ACSM1: variants seen among roughly 807,000 people sequenced by gnomAD.
The protein encoded by ACSM1 is acyl-coenzyme A synthetase ACSM1, mitochondrial.
In ACSM1, 79 loss-of-function variants were observed where a neutral mutation model predicts 75.8. The ratio of observed to expected loss-of-function variants is 1.04; its 90% CI spans 0.87 to 1.26. The LOEUF (loss-of-function observed/expected upper bound fraction) is 1.26, where lower values mean the gene tolerates loss of function less well. Ranked by LOEUF, ACSM1 falls within the 50% of genes most tolerant of loss-of-function variation. The probability of loss-of-function intolerance (pLI) is 0.00; values close to 1 mark genes in which losing one functional copy is unlikely to be tolerated. For synonymous variants in ACSM1, 279 were observed against 265.8 expected (o/e 1.05, Z -0.48); for missense variants, 676 against 720.1 (o/e 0.94, Z 0.70).
chr16:20,688,683 A>G (rs1324856694), intron 2 of ACSM1, among the ~76,000 whole-genome samples: 1 of 152,090 alleles, frequency 6.6e-6, no homozygotes, highest in Non-Finnish European at 1.5e-5. Flanking sequence ...AGATTCTTCA[A>G]AAGTAAAGGG....
At chr16:20,651,518 A>G (rs1161738149) in intron 7 of ACSM1, among the ~76,000 whole-genome samples, 1 of 152,082 alleles carries the variant, frequency 6.6e-6, no homozygotes, top group Non-Finnish European at 1.5e-5. Flanking sequence ...AATCCCAGCT[A>G]CTCCAGAGGC....
intron 4 of ACSM1, among the ~76,000 whole-genome samples, chr16:20,672,737 GTTATATATAATATTTATGC>G (rs1208115709): frequency 0.014 from 1,760 of 123,064 alleles, 21 homozygotes; most frequent in Non-Finnish European, 0.022. Context: ...GTATATGTAA[GTTATATATAATATTTATGC>G]TTATATATAA....
At chr16:20,650,688 A>G (rs2018600889) in intron 7 of ACSM1, among the ~76,000 whole-genome samples, 1 of 151,966 alleles carries the variant, frequency 6.6e-6, no homozygotes, top group Non-Finnish European at 1.5e-5. Context: ...AAAGCAGGAA[A>G]CAAAATCTAA....
At chr16:20,678,268 C>T (rs1475830752) in intron 4 of ACSM1, among the ~76,000 whole-genome samples, 2 of 152,022 alleles carry the variant, frequency 1.3e-5, no homozygotes, top group Admixed American at 6.6e-5. Flanking sequence ...TAAAACAGTT[C>T]CACCAAGGAA....
intron 7 of ACSM1, among the ~76,000 whole-genome samples, chr16:20,642,202 T>C (rs181156516): frequency 6.6e-6 from 1 of 152,096 alleles, no homozygotes; most frequent in African/African-American, 2.4e-5. Context: ...TTTAAACAGA[T>C]GATGAGGCAG....
chr16:20,660,957 T>C (rs1255089572), intron 7 of ACSM1, among the ~76,000 whole-genome samples: 2 of 152,138 alleles, frequency 1.3e-5, no homozygotes, highest in Non-Finnish European at 2.9e-5. Context: ...CATGGAACAA[T>C]GGAAATTCTC....
intron 4 of ACSM1, chr16:20,680,610 T>A (rs1008714826): frequency 1.9e-4 from 29 of 152,320 alleles, no homozygotes; most frequent in Middle Eastern, 3.4e-3. Flanking sequence ...GAAAGTACCG[T>A]ATCGCCCGTT....
At chr16:20,675,867 G>A (rs1208171329) in intron 4 of ACSM1, among the ~76,000 whole-genome samples, 1 of 152,194 alleles carries the variant, frequency 6.6e-6, no homozygotes, top group Non-Finnish European at 1.5e-5. Flanking sequence ...TGCGCTGGCG[G>A]CTACGGAGTT....
intron 4 of ACSM1, among the ~76,000 whole-genome samples, chr16:20,676,609 GAGA>G (rs1255007248): frequency 2.6e-5 from 4 of 152,184 alleles, no homozygotes; most frequent in African/African-American, 9.7e-5. Context: ...TCAGGAGGCA[GAGA>G]AGAAAGCTGA....
At chr16:20,662,836 C>T (rs945837396) in intron 6 of ACSM1, among the ~76,000 whole-genome samples, 2 of 152,118 alleles carry the variant, frequency 1.3e-5, no homozygotes, top group African/African-American at 4.8e-5. Flanking sequence ...TGGCCCACTG[C>T]CCCTACCCCA....
chr16:20,642,032 T>G (rs1282834730), intron 7 of ACSM1, among the ~76,000 whole-genome samples: 1 of 152,226 alleles, frequency 6.6e-6, no homozygotes, highest in African/African-American at 2.4e-5. Context: ...TTTAGTGCAG[T>G]GAAGCACTTT....
rs2017799511 is a variant in ACSM1 at position 20,637,548 on chromosome 16, A to G, written c.1117-97T>C. On this transcript the variant is annotated intron_variant, in intron 8 of 13. Transcript: ENST00000520010. The stretch of plus-strand genomic sequence containing the variant: ...CACAGCATCCTCTGCTCAGAGATGT[A>G]GTATTCCTCTCAATGGATGCTGCCC... 24 of 1,079,378 alleles carry G rather than the reference A, an allele frequency of 2.2e-5. No homozygotes were observed. The South Asian group carries it at 2.7e-4, about 12-fold the overall frequency. The allele number at this position is 1,079,378 out of a possible 1,614,324, so 66.9% of individuals were successfully genotyped here. A position where few individuals can be genotyped will look rare whatever the true frequency, so the allele number is the denominator to read the frequency against.
At chr16:20,663,589 G>A (rs2019405152) in intron 6 of ACSM1, among the ~76,000 whole-genome samples, 1 of 152,190 alleles carries the variant, frequency 6.6e-6, no homozygotes, top group African/African-American at 2.4e-5. Context: ...GGTTATCTGG[G>A]AAGGGGGAAT....
rs376177196 is a variant in ACSM1 at position 20,625,431 on chromosome 16, G to T, written c.1519C>A (p.Arg507=). The T allele has an allele frequency of 1.2e-6, 2 of 1,613,950 alleles. No homozygotes were observed. The highest frequency in any genetic ancestry group is 8.5e-7 in the Non-Finnish European group (1 of 1,179,986). The part of the protein sequence containing the change: ...SAVVGSPDPI[R]GEVVKAFIVL... The stretch of plus-strand genomic sequence containing the variant: ...CTCTGTGTTCTCCTCACCTCCCCTC[G>T]AATCGGGTCTGGGCTGCCCACCACG... The change falls in exon 12 of 14, where the codon CGA becomes AGA. Residue 507 remains arginine, a synonymous_variant. Transcript: ENST00000520010.
At chr16:20,638,012 G>A (rs1044535415) in intron 8 of ACSM1, among the ~76,000 whole-genome samples, 1 of 152,168 alleles carries the variant, frequency 6.6e-6, no homozygotes, top group African/African-American at 2.4e-5. Flanking sequence ...GAGGTTGTCT[G>A]GATTGCTTGT....
intron 2 of ACSM1, among the ~76,000 whole-genome samples, chr16:20,686,730 C>G (rs1178653669): frequency 1.3e-5 from 2 of 151,960 alleles, no homozygotes; most frequent in Non-Finnish European, 2.9e-5. Flanking sequence ...AGGAGGATAG[C>G]CTGAGCCCAG....
rs2017984254 is a variant in ACSM1, at chr16:20,640,481, T to C, written c.1096A>G (p.Asn366Asp). 6 of 1,613,980 alleles carry C rather than the reference T, an allele frequency of 3.7e-6. No individual in the cohort carries two copies. The African/African-American group carries it at 6.7e-5, about 18-fold the overall frequency. ...CCTACCGTTTCCGACTGCCCATAGT[T>C]CTCGTAGAGCAGAAGGCCCGTCCGT... ...KRRTGLLLYENYGQSETGLIC... is the reference protein window; with the variant it reads ...KRRTGLLLYEDYGQSETGLIC... Residue 366 changes from asparagine (N) to aspartate (D), a missense_variant, in exon 8 of 14, where the codon AAC (asparagine) becomes GAC (aspartate). By Grantham distance (23) the Asn-to-Asp change is conservative (BLOSUM62 1). Coordinates refer to ENST00000520010, the MANE Select transcript of ACSM1 (RefSeq NM_001318890.3).
At position 20,625,428 on chromosome 16, in the gene ACSM1, C is replaced by T. The variant is rs2016862234; in HGVS notation, c.1522G>A (p.Gly508Arg). ...AVVGSPDPIR[G>R]EVVKAFIVLT... ...GATCTCTGTGTTCTCCTCACCTCCCCTCGAATCGGGTCTGGGCTGCCCACC... is the reference window on the plus strand; with the variant it reads ...GATCTCTGTGTTCTCCTCACCTCCCTTCGAATCGGGTCTGGGCTGCCCACC... The change falls in exon 12 of 14, where the codon GGG (glycine) becomes AGG (arginine). Residue 508 changes from glycine (G) to arginine (R), a missense_variant. Gly to Arg is a moderately radical substitution (Grantham distance 125, BLOSUM62 -2). Coordinates refer to ENST00000520010, the MANE Select transcript of ACSM1 (RefSeq NM_001318890.3). The T allele has an allele frequency of 6.2e-7, 1 of 1,613,878 alleles. No homozygotes were observed. The highest frequency in any genetic ancestry group is 2.2e-5 in the East Asian group (1 of 44,870).
intron 4 of ACSM1, 38 bp downstream of exon 4, chr16:20,682,218 T>C: frequency 6.3e-7 from 1 of 1,592,786 alleles, no homozygotes. Context: ...CCACAACAAC[T>C]GTACTCAGAG....
Sources: gnomAD v4.1 joint callset for allele counts (sites outside exome capture counted in the v4.1 genomes callset) on GRCh38, gnomAD v4.1.1 for gene constraint, MANE v1.5 for transcripts, NCBI Gene and HGNC (gene_info 2026-07-23, HGNC 2026-07-21) for gene names.